Variants in OPA3 observed in about 807,000 individuals in gnomAD.
OPA3 encodes optic atrophy 3 protein.
OPA3 carries 6 observed loss-of-function variants against 4.0 expected under a neutral mutation model. The ratio of observed to expected loss-of-function variants is 1.51; its 90% confidence interval spans 0.83 to 2.99. The LOEUF is 2.99. Among genes scored for constraint, OPA3 ranks in the 30% most tolerant of loss-of-function variants. The pLI, the probability that OPA3 is intolerant of heterozygous loss-of-function variation, is 0.00. For synonymous variants in OPA3, 105 were observed against 117.1 expected (o/e 0.90, Z 0.67); for missense variants, 235 against 256.2 (o/e 0.92, Z 0.56).
At position 45,577,972 on chromosome 19, in the gene OPA3, C is replaced by A. The variant is rs148443487; in HGVS notation, c.142+6651G>T. Among the ~76,000 whole-genome samples the A allele has an allele frequency of 2.1e-3, 327 of 152,316 alleles. 3 individuals are homozygous for A. The highest frequency in any genetic ancestry group is 3.4e-3 in the Middle Eastern group (1 of 294). ...AGAGTAAATATTTTAGATTTTGAGGCCAGGCGTGGTGGCTCACGCCTGTAA... is the reference window on the plus strand; with the variant it reads ...AGAGTAAATATTTTAGATTTTGAGGACAGGCGTGGTGGCTCACGCCTGTAA... On this transcript the variant is annotated intron_variant, in intron 1 of 1. Coordinates refer to ENST00000263275, the MANE Select transcript of OPA3 (RefSeq NM_025136.4).
chr19:45,550,261 T>A lies in OPA3; in HGVS notation c.*3253A>T. The A allele has an allele frequency of 1.0e-6, 1 of 985,400 alleles. No homozygotes were observed. The highest frequency in any genetic ancestry group is 1.7e-5 in the African/African-American group (1 of 57,334). 61.0% of individuals were successfully genotyped at this position (985,400 alleles called of 1,614,324 possible). On this transcript the variant is annotated 3_prime_UTR_variant, in exon 2 of 2. Coordinates refer to ENST00000263275, the MANE Select transcript of OPA3 (RefSeq NM_025136.4). ...GATCTTGGTCCAGGCCAGTTTTACC[T>A]CTTTAGAGAAGGGAGGTGAGGATGG...
At chr19:45,562,602 G>T (rs1264228) in intron 1 of OPA3, among the ~76,000 whole-genome samples, 107,122 of 151,866 alleles carry the variant, frequency 0.71, 38,239 homozygotes, top group East Asian at 0.87. Context: ...GGCAGGAGAA[G>T]CTCTTGAACC....
chr19:45,572,200 G>GAT (rs985190958), intron 1 of OPA3, among the ~76,000 whole-genome samples: 16 of 138,660 alleles, frequency 1.2e-4, no homozygotes, highest in African/African-American at 3.7e-4. Flanking sequence ...ATATATATGA[G>GAT]ATATATATAT....
chr19:45,529,988 C>A (rs960981474), intron 1 of OPA3, among the ~76,000 whole-genome samples: 2 of 152,190 alleles, frequency 1.3e-5, no homozygotes, highest in African/African-American at 4.8e-5. Context: ...CCTGCCAAAG[C>A]CTCCCAAAGT....
chr19:45,572,225 T>G (rs1027681451), intron 1 of OPA3, among the ~76,000 whole-genome samples: 1 of 143,982 alleles, frequency 6.9e-6, no homozygotes, highest in Admixed American at 7.2e-5. Context: ...CTCATATATA[T>G]CGATATATAT....
chr19:45,546,396 C>A lies in OPA3; in HGVS notation c.*7118G>T. 1 of 591,540 alleles carries A rather than the reference C, an allele frequency of 1.7e-6. No homozygotes were observed. Among genetic ancestry groups the A allele is most frequent in the Non-Finnish European group, 2.1e-6 (1 of 471,456 alleles). The allele number at this position is 591,540 out of a possible 1,614,324, so 36.6% of individuals were successfully genotyped here. A position where few individuals can be genotyped will look rare whatever the true frequency, so the allele number is the denominator to read the frequency against. ...GACATAAAATATATATTTTATATTCCATTATATATTGTGTCACATAATATA... is the reference window on the plus strand; with the variant it reads ...GACATAAAATATATATTTTATATTCAATTATATATTGTGTCACATAATATA... On this transcript the variant is annotated 3_prime_UTR_variant, in exon 2 of 2. Transcript: ENST00000263275.
chr19:45,528,333 G>A (rs1240520360), exon 2 of OPA3: 3 of 152,562 alleles, frequency 2.0e-5, no homozygotes, highest in African/African-American at 4.8e-5. Context: ...CCATGCCAGT[G>A]GGGTGCGCCA....
In OPA3 at chr19:45,581,987, C is replaced by T. The variant is rs570268107; in HGVS notation, c.142+2636G>A. 3.9e-5 allele frequency among the ~76,000 whole-genome samples: 6 copies of T among 152,048 alleles called. No individual in the cohort carries two copies. The South Asian group carries it at 1.2e-3, about 32-fold the overall frequency. ...CTAATTTTTGTATTTTCAGTAGACA[C>T]GGGTTTTCACCATGTTGGTCAGGCT... On this transcript the variant is annotated intron_variant, in intron 1 of 1. Coordinates refer to ENST00000263275, the MANE Select transcript of OPA3 (RefSeq NM_025136.4).
intron 1 of OPA3, among the ~76,000 whole-genome samples, chr19:45,538,650 G>C (rs183310155): frequency 3.0e-4 from 46 of 151,948 alleles, no homozygotes; most frequent in African/African-American, 1.1e-3. Context: ...TTGAACCTGG[G>C]AGGCGGAGGT....
intron 1 of OPA3, among the ~76,000 whole-genome samples, chr19:45,559,550 TACC>T (rs766301379): frequency 1.7e-4 from 26 of 151,632 alleles, no homozygotes; most frequent in East Asian, 1.6e-3. Flanking sequence ...TACAGGCACA[TACC>T]ACCACACCTG....
At chr19:45,538,068 TCCAGCCTGGAGGACAGAG>T (rs1969142380) in intron 1 of OPA3, among the ~76,000 whole-genome samples, 2 of 120,352 alleles carry the variant, frequency 1.7e-5, no homozygotes, top group African/African-American at 6.8e-5. Context: ...ACCACTGCAC[TCCAGCCTGGAGGACAGAG>T]CTAGGCTCCA....
chr19:45,563,349 G>A (rs1264231), intron 1 of OPA3, among the ~76,000 whole-genome samples: 78,118 of 150,618 alleles, frequency 0.52, 21,567 homozygotes, highest in East Asian at 0.71. Context: ...TAGTAGAGAC[G>A]GGGTTTCACC....
At chr19:45,534,185 A>G (rs1969090352) in intron 1 of OPA3, among the ~76,000 whole-genome samples, 2 of 152,356 alleles carry the variant, frequency 1.3e-5, no homozygotes, top group South Asian at 4.1e-4. Context: ...TACAACTGCC[A>G]TTAACCCCCT....
downstream of OPA3, among the ~76,000 whole-genome samples, chr19:45,545,181 A>AAAAAAAC (rs1969234247): frequency 6.9e-6 from 1 of 145,952 alleles, no homozygotes; most frequent in African/African-American, 2.6e-5. Flanking sequence ...AAAAAAAACA[A>AAAAAAAC]AAAAACAAAA....
chr19:45,528,358 G>C (rs1349483139), exon 2 of OPA3: 2 of 152,470 alleles, frequency 1.3e-5, no homozygotes, highest in Admixed American at 6.5e-5. Flanking sequence ...TGGAAGAAGA[G>C]GGGGGTTATG....
At position 45,552,676 on chromosome 19, in the gene OPA3, C is replaced by G. The variant is rs546421510; in HGVS notation, c.*838G>C. The G allele has an allele frequency of 1.3e-5, 2 of 152,218 alleles. No homozygotes were observed. Among genetic ancestry groups the G allele is most frequent in the Admixed American group, 1.3e-4 (2 of 15,238 alleles). The allele number at this position is 152,218 out of a possible 1,614,324, so 9.4% of individuals were successfully genotyped here. ...GATTACAGGCACCCACCACCACGCC[C>G]GGTTAACTTTTGGTTTTAAGACGGT... is the stretch of plus-strand genomic sequence containing the variant. On this transcript the variant is annotated 3_prime_UTR_variant, in exon 2 of 2. Transcript: ENST00000263275.
intron 1 of OPA3, among the ~76,000 whole-genome samples, chr19:45,530,015 T>C (rs1190520026): frequency 6.6e-6 from 1 of 152,168 alleles, no homozygotes; most frequent in Non-Finnish European, 1.5e-5. Context: ...ACTGCAGGTG[T>C]GAGCCACGGA....
intron 1 of OPA3, among the ~76,000 whole-genome samples, chr19:45,574,084 T>TA (rs1292243121): frequency 6.7e-6 from 1 of 148,232 alleles, no homozygotes; most frequent in Non-Finnish European, 1.5e-5. Context: ...GCAACAAAGT[T>TA]AGACTCCATC....
intron 1 of OPA3, among the ~76,000 whole-genome samples, chr19:45,564,414 T>A (rs1969552493): frequency 1.3e-5 from 2 of 152,106 alleles, no homozygotes; most frequent in South Asian, 4.2e-4. Context: ...AAGCCCAGGA[T>A]CCCTCCTTGA....
Sources: allele counts gnomAD v4.1 joint callset (sites outside exome capture counted in the v4.1 genomes callset), GRCh38; gene constraint gnomAD v4.1.1; transcripts MANE v1.5; gene names NCBI Gene and HGNC (gene_info 2026-07-23, HGNC 2026-07-21).